The following ZNF804B variants were observed in gnomAD, a reference collection of about 807,000 sequenced individuals.
ZNF804B encodes zinc finger protein 804B.
A neutral mutation model predicts 101.4 loss-of-function variants in ZNF804B; 80 were observed. The ratio of observed to expected loss-of-function variants is 0.79; its 90% confidence interval spans 0.66 to 0.95. The LOEUF (loss-of-function observed/expected upper bound fraction) is 0.95, where lower values mean the gene tolerates loss of function less well. Ranked by LOEUF, ZNF804B falls within the 40% of genes least tolerant of loss-of-function variation. The pLI, the probability that ZNF804B is intolerant of heterozygous loss-of-function variation, is 0.00. For missense variants in ZNF804B, 1,673 were observed against 1,561.9 expected, an observed-to-expected ratio of 1.07 and a Z score of -1.20; for synonymous variants, 622 against 558.8, an observed-to-expected ratio of 1.11 and a Z score of -1.59.
Position 89,281,998 on chromosome 7 carries a change from G to A in ZNF804B, c.250-45346G>A, listed in dbSNP as rs1055312632. 4.6e-5 allele frequency among the ~76,000 whole-genome samples: 7 copies of A among 151,790 alleles called. No homozygotes were observed. The East Asian group carries it at 5.8e-4, about 13-fold the overall frequency. On this transcript the variant is annotated intron_variant, in intron 2 of 3. Coordinates refer to ENST00000333190, the MANE Select transcript of ZNF804B (RefSeq NM_181646.5). ...GGGCGGATCACGAGGTCAGGAGATC[G>A]AAACCATCCCGGCTAAAACGGTGAA...
chr7:88,806,829 G>A (rs528186552), intron 1 of ZNF804B, among the ~76,000 whole-genome samples: 2 of 152,228 alleles, frequency 1.3e-5, no homozygotes, highest in East Asian at 3.9e-4. Flanking sequence ...GGCCAATGGT[G>A]TGACCTGTGT....
chr7:88,964,987 A>G (rs1181108591), intron 1 of ZNF804B, among the ~76,000 whole-genome samples: 1 of 151,484 alleles, frequency 6.6e-6, no homozygotes, highest in East Asian at 2.0e-4. Flanking sequence ...AAGAAAATTT[A>G]TTTTATAGGG....
chr7:88,969,401 C>A (rs187853246), intron 1 of ZNF804B, among the ~76,000 whole-genome samples: 104 of 151,698 alleles, frequency 6.9e-4, no homozygotes, highest in African/African-American at 2.3e-3. Context: ...TAAAATACAT[C>A]AATTCCATGT....
At chr7:88,907,770 C>A (rs1792494996) in intron 1 of ZNF804B, among the ~76,000 whole-genome samples, 1 of 151,886 alleles carries the variant, frequency 6.6e-6, no homozygotes, top group South Asian at 2.1e-4. Context: ...ATTTTAACTT[C>A]CAATTGTCTT....
At chr7:89,184,852 A>ATGT in intron 1 of ZNF804B, among the ~76,000 whole-genome samples, 1 of 149,080 alleles carries the variant, frequency 6.7e-6, no homozygotes, top group Non-Finnish European at 1.5e-5. Context: ...TTTTGACAAA[A>ATGT]ACGTGTATAT....
intron 1 of ZNF804B, among the ~76,000 whole-genome samples, chr7:89,111,726 CTT>C (rs942283138): frequency 3.3e-5 from 5 of 152,046 alleles, no homozygotes; most frequent in African/African-American, 1.2e-4. Context: ...TAAAAATCAA[CTT>C]ATTAATTTTT....
At chr7:88,892,431 T>A (rs368431949) in intron 1 of ZNF804B, among the ~76,000 whole-genome samples, 1 of 152,140 alleles carries the variant, frequency 6.6e-6, no homozygotes, top group East Asian at 1.9e-4. Flanking sequence ...TATAAACAAG[T>A]TTTTTCCTTC....
At chr7:88,962,712 T>TATATATATAC (rs1793403750) in intron 1 of ZNF804B, among the ~76,000 whole-genome samples, 1 of 52,378 alleles carries the variant, frequency 1.9e-5, no homozygotes, top group Non-Finnish European at 3.5e-5. Context: ...AACTCACATA[T>TATATATATAC]ATATATATAT....
At chr7:89,305,986 T>C (rs1431620997) in intron 2 of ZNF804B, among the ~76,000 whole-genome samples, 5 of 152,010 alleles carry the variant, frequency 3.3e-5, no homozygotes, top group Non-Finnish European at 7.4e-5. Flanking sequence ...TTAATAGATG[T>C]AATAATTGTC....
At chr7:88,926,627 A>G (rs1204074435) in intron 1 of ZNF804B, among the ~76,000 whole-genome samples, 4 of 151,998 alleles carry the variant, frequency 2.6e-5, no homozygotes, top group African/African-American at 7.2e-5. Context: ...AAGTAAATAC[A>G]TAAATTAATT....
At chr7:89,035,865 A>G (rs550137436) in intron 1 of ZNF804B, among the ~76,000 whole-genome samples, 43 of 146,480 alleles carry the variant, frequency 2.9e-4, no homozygotes, top group Admixed American at 2.2e-3. Context: ...CCAAATATAT[A>G]TATTATATTA....
chr7:89,086,291 A>T (rs746764505), intron 1 of ZNF804B, among the ~76,000 whole-genome samples: 18 of 152,024 alleles, frequency 1.2e-4, no homozygotes, highest in Non-Finnish European at 1.9e-4. Flanking sequence ...GCATTTCGTG[A>T]TGCAGAAATG....
intron 1 of ZNF804B, among the ~76,000 whole-genome samples, chr7:89,208,329 G>A (rs35333456): frequency 6.6e-6 from 1 of 151,968 alleles, no homozygotes; most frequent in Non-Finnish European, 1.5e-5. Flanking sequence ...TGATCCACCC[G>A]CCTTGGCCTC....
At chr7:89,272,039 T>C (rs1282899425) in intron 2 of ZNF804B, among the ~76,000 whole-genome samples, 1 of 152,128 alleles carries the variant, frequency 6.6e-6, no homozygotes, top group Non-Finnish European at 1.5e-5. Context: ...AAATTCTTAG[T>C]ATGAAATTTT....
intron 1 of ZNF804B, among the ~76,000 whole-genome samples, chr7:89,173,652 C>G (rs1267845682): frequency 6.6e-6 from 1 of 151,802 alleles, no homozygotes; most frequent in African/African-American, 2.4e-5. Context: ...CTCTGAAAAC[C>G]ATAAATGTGA....
chr7:88,770,267 G>C (rs1790043044), intron 1 of ZNF804B, among the ~76,000 whole-genome samples: 1 of 152,130 alleles, frequency 6.6e-6, no homozygotes, highest in Non-Finnish European at 1.5e-5. Context: ...AAGAGGATGA[G>C]ATGATTATCC....
At chr7:89,056,957 A>C (rs942303069) in intron 1 of ZNF804B, among the ~76,000 whole-genome samples, 2 of 152,096 alleles carry the variant, frequency 1.3e-5, no homozygotes, top group Non-Finnish European at 2.9e-5. Flanking sequence ...AGTGGGCTAA[A>C]GTGTGAAGAT....
chr7:88,988,284 T>TA (rs925816003), intron 1 of ZNF804B, among the ~76,000 whole-genome samples: 8 of 152,034 alleles, frequency 5.3e-5, no homozygotes, highest in African/African-American at 1.7e-4. Context: ...AAGTATGTAG[T>TA]AAAAAAAGTC....
chr7:89,312,349 A>G (rs1790659377), intron 2 of ZNF804B, among the ~76,000 whole-genome samples: 1 of 152,192 alleles, frequency 6.6e-6, no homozygotes, highest in South Asian at 2.1e-4. Flanking sequence ...CAAATGGCTG[A>G]CCATCAGCAA....
Sources: allele counts gnomAD v4.1 joint callset (sites outside exome capture counted in the v4.1 genomes callset), GRCh38; gene constraint gnomAD v4.1.1; transcripts MANE v1.5; gene names NCBI Gene and HGNC (gene_info 2026-07-23, HGNC 2026-07-21).